CSNK1E: variants seen among roughly 807,000 people sequenced by gnomAD.
CSNK1E encodes casein kinase 1 epsilon.
Under a neutral mutation model 46.1 loss-of-function variants are expected in CSNK1E, and 17 were observed. That is an observed-to-expected ratio of 0.37 (90% CI 0.25 to 0.55). The LOEUF (loss-of-function observed/expected upper bound fraction) is 0.55, where lower values mean the gene tolerates loss of function less well. Ranked by LOEUF, CSNK1E falls within the 20% of genes least tolerant of loss-of-function variation. CSNK1E has a pLI of 0.82. For synonymous variants in CSNK1E, 241 were observed against 242.6 expected, an observed-to-expected ratio of 0.99 and a Z score of 0.06; for missense variants, 386 against 595.4, an observed-to-expected ratio of 0.65 and a Z score of 3.66.
At chr22:38,302,026 C>T (rs1242069733) in intron 4 of CSNK1E, among the ~76,000 whole-genome samples, 3 of 152,206 alleles carry the variant, frequency 2.0e-5, no homozygotes, top group Non-Finnish European at 1.5e-5. Context: ...TAACAACAGC[C>T]TGTTAGAGGG....
chr22:38,296,441 T>G (rs1038390102), intron 7 of CSNK1E: 1 of 1,477,356 alleles, frequency 6.8e-7, no homozygotes, highest in Admixed American at 2.4e-5. Flanking sequence ...CTGTCTACTG[T>G]TGGGTAGCAT....
At position 38,300,960 on chromosome 22, in the gene CSNK1E, G is replaced by A; in HGVS notation, c.337-8C>T. ...ATACTCGATGCGGCTGATCTGGGGA[G>A]GAGGGGGGCCATTTGTTCAACAGAG... On this transcript the variant is annotated splice_polypyrimidine_tract_variant and splice_region_variant and intron_variant, in intron 4 of 10. Coordinates refer to ENST00000396832, the MANE Select transcript of CSNK1E (RefSeq NM_152221.3). This position sits in a 1 kb window ranked among gnomAD's most constrained non-coding sequence, Gnocchi z 4.4. 1 of 1,612,896 alleles carries A rather than the reference G, an allele frequency of 6.2e-7. No homozygotes were observed. Among genetic ancestry groups the A allele is most frequent in the African/African-American group, 1.3e-5 (1 of 75,034 alleles).
intron 9 of CSNK1E, among the ~76,000 whole-genome samples, chr22:38,293,570 C>G (rs1389321001): frequency 6.6e-6 from 1 of 151,926 alleles, no homozygotes; most frequent in Non-Finnish European, 1.5e-5. Context: ...AAGTAGATGG[C>G]CAATGAGGGT....
Position 38,303,626 on chromosome 22 carries a change from G to A in CSNK1E, c.77-378C>T. 6.6e-6 allele frequency among the ~76,000 whole-genome samples: 1 copy of A among 152,190 alleles called. No homozygotes were observed. The highest frequency in any genetic ancestry group is 1.9e-4 in the East Asian group (1 of 5,194). On this transcript the variant is annotated intron_variant, in intron 2 of 10. Coordinates refer to ENST00000396832, the MANE Select transcript of CSNK1E (RefSeq NM_152221.3). This position sits in a 1 kb window ranked among gnomAD's most constrained non-coding sequence, Gnocchi z 4.7. ...CTGTCGGGTTGAGATGGTGGCACGT[G>A]CAGAAGAGGCCCAATGGGGCTGGGC...
At chr22:38,312,384 C>G (rs1332293546) in intron 2 of CSNK1E, among the ~76,000 whole-genome samples, 1 of 152,210 alleles carries the variant, frequency 6.6e-6, no homozygotes, top group Non-Finnish European at 1.5e-5. Context: ...AGCCACCGCA[C>G]CTGGCCATCC....
intron 2 of CSNK1E, among the ~76,000 whole-genome samples, chr22:38,308,694 C>G (rs1243863122): frequency 6.6e-6 from 1 of 151,968 alleles, no homozygotes; most frequent in African/African-American, 2.4e-5. Context: ...CCGGTGTCCA[C>G]CCAGTGGGAG....
rs2092666463 is a variant in CSNK1E, at chr22:38,300,646, G to A, written c.565+78C>T. The A allele has an allele frequency of 2.9e-6, 4 of 1,386,668 alleles. No homozygotes were observed. The Admixed American group carries it at 7.4e-5, about 26-fold the overall frequency. 85.9% of individuals were successfully genotyped at this position (1,386,668 alleles called of 1,614,324 possible). On this transcript the variant is annotated intron_variant, in intron 5 of 10. Transcript: ENST00000396832. The surrounding 1 kb of genome is among the most constrained non-coding windows in gnomAD (Gnocchi z 4.4). The stretch of plus-strand genomic sequence containing the variant: ...GAGCCTGGGGGCCTCCATCAGGGTA[G>A]GGGGTGAGAGGGCTCCAGAGAGCTG...
Position 38,317,347 on chromosome 22 carries a change from T to TCGCCGC in CSNK1E, c.-206_-201dup, listed in dbSNP as rs533879848. 3.9e-3 allele frequency: 482 copies of TCGCCGC among 123,544 alleles called. 4 individuals carry two copies. Among genetic ancestry groups the TCGCCGC allele is most frequent in the African/African-American group, 4.9e-3 (149 of 30,694 alleles). 7.7% of individuals were successfully genotyped at this position (123,544 alleles called of 1,614,324 possible). A position where few individuals can be genotyped will look rare whatever the true frequency, so the allele number is the denominator to read the frequency against. ...CCGGCCGGGCTCTGGCTCTGGGCTC[T>TCGCCGC]CGCCGCCGCCGCCGCCGCCGCCGCC... is the stretch of plus-strand genomic sequence containing the variant. On this transcript the variant is annotated 5_prime_UTR_variant, in exon 1 of 11. Coordinates refer to ENST00000396832, the MANE Select transcript of CSNK1E (RefSeq NM_152221.3).
rs773953310 is a variant in CSNK1E, at chr22:38,314,166, C to G, written c.-9G>C. ...CCCACACGTAGCTCCATGGCTCACT[C>G]TTGCTGCAGAGGAAGCAGGAACATG... On this transcript the variant is annotated 5_prime_UTR_variant, in exon 2 of 11. Transcript: ENST00000396832. The G allele has an allele frequency of 1.5e-5, 25 of 1,613,772 alleles. No individual in the cohort carries two copies. The highest frequency in any genetic ancestry group is 1.8e-5 in the Non-Finnish European group (21 of 1,179,836).
At chr22:38,292,433 C>G (rs1321831490) in intron 10 of CSNK1E, 2 of 152,220 alleles carry the variant, frequency 1.3e-5, no homozygotes, top group African/African-American at 2.4e-5. Context: ...CATCTCCCCA[C>G]CCCACCCCCA....
Position 38,294,219 on chromosome 22 carries a change from C to T in CSNK1E, c.1108G>A (p.Val370Ile). The T allele has an allele frequency of 6.2e-7, 1 of 1,612,724 alleles. No homozygotes were observed. Among genetic ancestry groups the T allele is most frequent in the Admixed American group, 1.7e-5 (1 of 60,000 alleles). Reference sequence around the variant, plus strand: ...ATACTCACCTTCCTCTCCCGGTCGACCCGCGAGATCGCTCTGGGAGAAGTA... The same window carrying T: ...ATACTCACCTTCCTCTCCCGGTCGATCCGCGAGATCGCTCTGGGAGAAGTA... The part of the protein sequence containing the change: ...GNTSPRAISR[V>I]DRERKVSMRL... The change falls in exon 9 of 11, where the codon GTC (valine) becomes ATC (isoleucine). Residue 370 changes from valine (V) to isoleucine (I), a missense_variant. Physicochemically the swap from Val to Ile is conservative, Grantham distance 29 (BLOSUM62 3). Around this residue, in one of 2 missense-constraint regions of CSNK1E, gnomAD observed 174 missense variants for 185.2 expected, o/e 0.94. Transcript: ENST00000396832. This position sits in a 1 kb window ranked among gnomAD's most constrained non-coding sequence, Gnocchi z 5.5.
Position 38,293,472 on chromosome 22 carries a change from C to T in CSNK1E, c.1219-153G>A, listed in dbSNP as rs558914702. Among the ~76,000 whole-genome samples the T allele has an allele frequency of 1.3e-4, 20 of 151,856 alleles. 1 individual carries two copies. The South Asian group carries it at 4.0e-3, about 30-fold the overall frequency. On this transcript the variant is annotated intron_variant, in intron 9 of 10. Transcript: ENST00000396832. ...CCCCACCTCCAGGCAGCCCCTCAAG[C>T]TGAGGGAAGGCCTGTGTGATTCCAG... is the stretch of plus-strand genomic sequence containing the variant.
At chr22:38,305,696 T>C (rs2092695670) in intron 2 of CSNK1E, among the ~76,000 whole-genome samples, 1 of 152,052 alleles carries the variant, frequency 6.6e-6, no homozygotes, top group African/African-American at 2.4e-5. Flanking sequence ...CCCAACCTCC[T>C]TGTAAGAGAA....
intron 2 of CSNK1E, among the ~76,000 whole-genome samples, chr22:38,305,413 T>G (rs2092693977): frequency 7.0e-6 from 1 of 142,482 alleles, no homozygotes; most frequent in South Asian, 2.3e-4. Flanking sequence ...TATCCCTGAT[T>G]CAAAATCCTA....
At chr22:38,296,701 G>A in intron 7 of CSNK1E, 2 of 1,610,190 alleles carry the variant, frequency 1.2e-6, no homozygotes, top group Non-Finnish European at 1.7e-6. Context: ...TTGGAAAAGA[G>A]ATCTTGCTGG....
In CSNK1E at chr22:38,300,691, G is replaced by A. The variant is rs191991271; in HGVS notation, c.565+33C>T. ...GAGCTGGGCCCCAGCCAGTGGCCCC[G>A]GGTGCACACTGCTCCAGGCCTGGCT... On this transcript the variant is annotated intron_variant, in intron 5 of 10. Coordinates refer to ENST00000396832, the MANE Select transcript of CSNK1E (RefSeq NM_152221.3). The surrounding 1 kb of genome is among the most constrained non-coding windows in gnomAD (Gnocchi z 4.4). The A allele has an allele frequency of 8.2e-4, 1,307 of 1,598,614 alleles. 3 individuals are homozygous for A. In the African/African-American group the frequency reaches 8.2e-3, roughly 10 times the overall value.
chr22:38,296,389 A>G, intron 7 of CSNK1E: 2 of 1,403,678 alleles, frequency 1.4e-6, no homozygotes, highest in Non-Finnish European at 1.8e-6. Context: ...CCAGGGATCC[A>G]CAGATCCCAG....
At chr22:38,299,308 C>G (rs1029360154) in intron 6 of CSNK1E, among the ~76,000 whole-genome samples, 1 of 152,228 alleles carries the variant, frequency 6.6e-6, no homozygotes, top group African/African-American at 2.4e-5. Flanking sequence ...ACGGGACCTT[C>G]TAACACAACC....
At position 38,300,983 on chromosome 22, in the gene CSNK1E, G is replaced by C. The variant is rs755126654; in HGVS notation, c.337-31C>G. ...GAGGAGGGGGGCCATTTGTTCAACAGAGGGGCCCTTGCCTAGCACTCTGGG... is the reference window on the plus strand; with the variant it reads ...GAGGAGGGGGGCCATTTGTTCAACACAGGGGCCCTTGCCTAGCACTCTGGG... On this transcript the variant is annotated intron_variant, in intron 4 of 10. Transcript: ENST00000396832. This position sits in a 1 kb window ranked among gnomAD's most constrained non-coding sequence, Gnocchi z 4.4. 3.1e-6 allele frequency: 5 copies of C among 1,590,058 alleles called. No individual in the cohort carries two copies. The highest frequency in any genetic ancestry group is 3.5e-6 in the Non-Finnish European group (4 of 1,158,526).
Sources: gnomAD v4.1 joint callset for allele counts (sites outside exome capture counted in the v4.1 genomes callset) on GRCh38, gnomAD v4.1.1 for gene constraint, gnomAD v4.1.1 regional missense constraint, Gnocchi (gnomAD v3.1) non-coding constraint, MANE v1.5 for transcripts, NCBI Gene and HGNC (gene_info 2026-07-23, HGNC 2026-07-21) for gene names.